Variants in SYT9 observed in about 807,000 individuals in gnomAD.
The protein encoded by SYT9 is synaptotagmin 9.
Under a neutral mutation model 48.4 loss-of-function variants are expected in SYT9, and 22 were observed. The observed-to-expected ratio is 0.45, with a 90% CI of 0.32 to 0.65. SYT9 has a LOEUF of 0.65. Ranked by LOEUF, SYT9 falls within the 30% of genes least tolerant of loss-of-function variation. The pLI is 0.03. For synonymous variants in SYT9, 265 were observed against 245.0 expected, an observed-to-expected ratio of 1.08 and a Z score of -0.76; for missense variants, 577 against 622.0, an observed-to-expected ratio of 0.93 and a Z score of 0.77.
intron 1 of SYT9, among the ~76,000 whole-genome samples, chr11:7,297,551 C>G (rs1278178520): frequency 6.6e-6 from 1 of 152,138 alleles, no homozygotes; most frequent in African/African-American, 2.4e-5. Context: ...GTTTTAAACC[C>G]AATCACGTAG....
chr11:7,354,349 A>T (rs1589967028), intron 3 of SYT9, among the ~76,000 whole-genome samples: 1 of 152,184 alleles, frequency 6.6e-6, no homozygotes, highest in Admixed American at 6.5e-5. Context: ...ATAAAGTATG[A>T]AACTTATCTA....
At chr11:7,256,243 A>T (rs988526746) in intron 1 of SYT9, among the ~76,000 whole-genome samples, 1 of 152,302 alleles carries the variant, frequency 6.6e-6, no homozygotes, top group Middle Eastern at 3.4e-3. Context: ...CACTTTATGT[A>T]GGTCATTTCA....
At chr11:7,349,433 A>T (rs1426813160) in intron 3 of SYT9, among the ~76,000 whole-genome samples, 1 of 146,944 alleles carries the variant, frequency 6.8e-6, no homozygotes, top group African/African-American at 2.5e-5. Context: ...ACCAGAGTGC[A>T]AATAAGACTT....
At chr11:7,375,461 T>C (rs1247285509) in intron 3 of SYT9, among the ~76,000 whole-genome samples, 1 of 152,334 alleles carries the variant, frequency 6.6e-6, no homozygotes, top group African/African-American at 2.4e-5. Context: ...AGAAAGTCAA[T>C]AGTAGCTTGA....
In SYT9 at chr11:7,252,450, G is replaced by A; in HGVS notation, c.145+119G>A. On this transcript the variant is annotated intron_variant, in intron 1 of 6. Coordinates refer to ENST00000318881, the MANE Select transcript of SYT9 (RefSeq NM_175733.4). The surrounding 1 kb of genome is among the most constrained non-coding windows in gnomAD (Gnocchi z 6.3). Reference sequence around the variant, plus strand: ...TGGGAGAGGGCGGGGGGCGGCCACCGAGCCAGGAGAGTGATCAAGAACCAG... The same window carrying A: ...TGGGAGAGGGCGGGGGGCGGCCACCAAGCCAGGAGAGTGATCAAGAACCAG... 2 of 1,107,840 alleles carry A rather than the reference G, an allele frequency of 1.8e-6. No homozygotes were observed. The highest frequency in any genetic ancestry group is 3.2e-5 in the East Asian group (1 of 30,892). The allele number at this position is 1,107,840 out of a possible 1,614,324, so 68.6% of individuals were successfully genotyped here. A position where few individuals can be genotyped will look rare whatever the true frequency, so the allele number is the denominator to read the frequency against.
At chr11:7,444,502 C>A (rs1174341476) in intron 6 of SYT9, 2 of 152,080 alleles carry the variant, frequency 1.3e-5, no homozygotes, top group African/African-American at 2.4e-5. Flanking sequence ...TCAGCATATT[C>A]ATTTTATCTA....
In SYT9 at chr11:7,303,106, C is replaced by G. The variant is rs746144255; in HGVS notation, c.213C>G (p.Leu71=). The stretch of plus-strand genomic sequence containing the variant: ...GTCTCGCTCTCTTTGGCGTGTCTCT[C>G]TTCGTATCTTGGAAACTCTGCTGGG... The part of the protein sequence containing the change: ...ACGLALFGVS[L]FVSWKLCWVP... Residue 71 remains leucine (L), a synonymous_variant, in exon 2 of 7, where the codon CTC becomes CTG. Coordinates refer to ENST00000318881, the MANE Select transcript of SYT9 (RefSeq NM_175733.4). The G allele has an allele frequency of 6.2e-7, 1 of 1,614,224 alleles. No individual in the cohort carries two copies. Among genetic ancestry groups the G allele is most frequent in the Non-Finnish European group, 8.5e-7 (1 of 1,180,040 alleles).
chr11:7,413,214 T>A (rs1847173134), intron 3 of SYT9, among the ~76,000 whole-genome samples: 1 of 152,168 alleles, frequency 6.6e-6, no homozygotes, highest in African/African-American at 2.4e-5. Context: ...CCCCAGCAGC[T>A]TGCAGCTCTA....
chr11:7,371,216 T>C (rs967316597), intron 3 of SYT9, among the ~76,000 whole-genome samples: 3 of 152,110 alleles, frequency 2.0e-5, no homozygotes, highest in Non-Finnish European at 4.4e-5. Context: ...AATAAACCTT[T>C]AAATCAATTA....
chr11:7,384,356 G>T (rs898942333), intron 3 of SYT9, among the ~76,000 whole-genome samples: 1 of 152,012 alleles, frequency 6.6e-6, no homozygotes. Context: ...CACAATTAAT[G>T]TATGTGAAAC....
chr11:7,361,835 CA>C (rs1436293365), intron 3 of SYT9, among the ~76,000 whole-genome samples: 4 of 152,164 alleles, frequency 2.6e-5, no homozygotes, highest in Non-Finnish European at 5.9e-5. Context: ...AGTAGTAGCT[CA>C]GGACTGGTCA....
chr11:7,353,843 A>G (rs1202277331), intron 3 of SYT9, among the ~76,000 whole-genome samples: 1 of 152,200 alleles, frequency 6.6e-6, no homozygotes, highest in African/African-American at 2.4e-5. Context: ...TTTCTTGTTT[A>G]TCAATTATAT....
At chr11:7,394,263 C>T (rs1846700803) in intron 3 of SYT9, among the ~76,000 whole-genome samples, 1 of 152,148 alleles carries the variant, frequency 6.6e-6, no homozygotes, top group Non-Finnish European at 1.5e-5. Context: ...TTTCCAGCTT[C>T]ATCCATGTCC....
rs1284351969 is a variant in SYT9 at position 7,252,159 on chromosome 11, C to A, written c.-28C>A. On this transcript the variant is annotated 5_prime_UTR_variant, in exon 1 of 7. Transcript: ENST00000318881. The surrounding 1 kb of genome is among the most constrained non-coding windows in gnomAD (Gnocchi z 6.3). ...GGGCTGTCTCCTGCGCCCGCCTGCCCGGCGCGGTCCGAGGATGCGGGGGGG... is the reference window on the plus strand; with the variant it reads ...GGGCTGTCTCCTGCGCCCGCCTGCCAGGCGCGGTCCGAGGATGCGGGGGGG... The A allele has an allele frequency of 7.1e-7, 1 of 1,407,356 alleles. No homozygotes were observed. 87.2% of individuals were successfully genotyped at this position (1,407,356 alleles called of 1,614,324 possible). A position where few individuals can be genotyped will look rare whatever the true frequency, so the allele number is the denominator to read the frequency against.
intron 1 of SYT9, among the ~76,000 whole-genome samples, chr11:7,275,816 C>T (rs115208055): frequency 0.012 from 1,842 of 152,250 alleles, 40 homozygotes; most frequent in African/African-American, 0.041. Context: ...ACAGGCCCCG[C>T]GTGGCTCACT....
At chr11:7,256,100 C>T (rs1200793316) in intron 1 of SYT9, among the ~76,000 whole-genome samples, 1 of 152,186 alleles carries the variant, frequency 6.6e-6, no homozygotes, top group Non-Finnish European at 1.5e-5. Context: ...ACTAGCCTAA[C>T]TTATCTAGAT....
At chr11:7,396,550 A>G (rs951577519) in intron 3 of SYT9, among the ~76,000 whole-genome samples, 8 of 152,130 alleles carry the variant, frequency 5.3e-5, no homozygotes, top group African/African-American at 1.9e-4. Flanking sequence ...TTGGGTCAGA[A>G]CAATGACGTA....
intron 3 of SYT9, among the ~76,000 whole-genome samples, chr11:7,346,655 T>C (rs990546865): frequency 6.6e-6 from 1 of 152,222 alleles, no homozygotes; most frequent in African/African-American, 2.4e-5. Flanking sequence ...AACTACAAAA[T>C]CAGTCTCACT....
At chr11:7,245,991 A>G (rs1007491107) in intron 1 of SYT9, among the ~76,000 whole-genome samples, 6 of 152,250 alleles carry the variant, frequency 3.9e-5, no homozygotes, top group African/African-American at 1.4e-4. Flanking sequence ...TTACTTTGGG[A>G]AACATTGATA....
Sources: allele counts gnomAD v4.1 joint callset (sites outside exome capture counted in the v4.1 genomes callset), GRCh38; gene constraint gnomAD v4.1.1; non-coding constraint Gnocchi (gnomAD v3.1); transcripts MANE v1.5; gene names NCBI Gene and HGNC (gene_info 2026-07-23, HGNC 2026-07-21).